Variants in PGAP4 observed in about 807,000 individuals in gnomAD.
PGAP4 encodes the protein GPI-N-acetylgalactosamine transferase PGAP4.
A neutral mutation model predicts 28.2 loss-of-function variants in PGAP4; 12 were observed. The ratio of observed to expected loss-of-function variants is 0.42; its 90% CI spans 0.27 to 0.69. PGAP4 has a LOEUF of 0.69. Among genes scored for constraint, PGAP4 ranks in the 30% least tolerant of loss-of-function variants. The pLI, the probability that PGAP4 is intolerant of heterozygous loss-of-function variation, is 0.22. For synonymous variants in PGAP4, 205 were observed against 211.8 expected (o/e 0.97, Z 0.28); for missense variants, 425 against 513.5 (o/e 0.83, Z 1.67).
chr9:101,488,128 A>T (rs78580180), upstream of PGAP4, among the ~76,000 whole-genome samples: 1,084 of 152,290 alleles, frequency 7.1e-3, 18 homozygotes, highest in African/African-American at 0.025. Flanking sequence ...CCCATTCATC[A>T]TCTACTCTTT....
At chr9:101,495,688 G>A (rs1438487929) in intron 2 of PGAP4, among the ~76,000 whole-genome samples, 2 of 150,162 alleles carry the variant, frequency 1.3e-5, no homozygotes, top group Non-Finnish European at 3.0e-5. Flanking sequence ...GAGTTTTAAA[G>A]GGGTTAAAAG....
At position 101,474,986 on chromosome 9, in the gene PGAP4, G is replaced by GCTTTTTTTTTTTTTTT. The variant is rs148013361; in HGVS notation, c.*894_*895insAAAAAAAAAAAAAAAG. On this transcript the variant is annotated 3_prime_UTR_variant, in exon 2 of 2. Transcript: ENST00000374848. ...GTCAGGTCTTCTGACTTCAGTCCAT[G>GCTTTTTTTTTTTTTTT]ATTTTTTTTTTTTTTTTTCTATAAC... 6.4e-5 allele frequency: 9 copies of GCTTTTTTTTTTTTTTT among 141,536 alleles called. 1 individual carries two copies. Among genetic ancestry groups the GCTTTTTTTTTTTTTTT allele is most frequent in the Non-Finnish European group, 1.1e-4 (7 of 65,852 alleles). 8.8% of individuals were successfully genotyped at this position (141,536 alleles called of 1,614,324 possible).
At chr9:101,520,245 G>A (rs371362127) in intron 2 of PGAP4, among the ~76,000 whole-genome samples, 36 of 152,250 alleles carry the variant, frequency 2.4e-4, no homozygotes, top group African/African-American at 7.9e-4. Flanking sequence ...CTAATTCTGT[G>A]AAGAATGATG....
At chr9:101,524,564 G>C (rs1433401869) in intron 2 of PGAP4, among the ~76,000 whole-genome samples, 3 of 152,154 alleles carry the variant, frequency 2.0e-5, no homozygotes, top group Non-Finnish European at 2.9e-5. Flanking sequence ...TTTAGCCCCT[G>C]CTCCTCTGTC....
chr9:101,508,829 G>A (rs944555269), intron 2 of PGAP4, among the ~76,000 whole-genome samples: 1 of 152,106 alleles, frequency 6.6e-6, no homozygotes, highest in East Asian at 1.9e-4. Flanking sequence ...CCTATCTGAG[G>A]GTGAGGAAAG....
At chr9:101,477,281 T>G in intron 1 of PGAP4, 112 bp from the exon 2 acceptor site, 1 of 715,070 alleles carries the variant, frequency 1.4e-6, no homozygotes, top group Non-Finnish European at 2.0e-6. Context: ...AAACCAGAAA[T>G]TATAATAGGA....
At chr9:101,524,627 C>G (rs1448601689) in intron 2 of PGAP4, among the ~76,000 whole-genome samples, 1 of 152,222 alleles carries the variant, frequency 6.6e-6, no homozygotes, top group African/African-American at 2.4e-5. Flanking sequence ...TGCTGGGGGA[C>G]CCCGTGAGCT....
At chr9:101,520,830 T>C (rs946993570) in intron 2 of PGAP4, among the ~76,000 whole-genome samples, 6 of 152,226 alleles carry the variant, frequency 3.9e-5, no homozygotes, top group Non-Finnish European at 8.8e-5. Flanking sequence ...CTTTTCCCCA[T>C]TCAGTATTAT....
chr9:101,524,618 G>A (rs1827018053), intron 2 of PGAP4, among the ~76,000 whole-genome samples: 1 of 152,216 alleles, frequency 6.6e-6, no homozygotes, highest in South Asian at 2.1e-4. Context: ...GGAATGGGCT[G>A]CTGGGGGACC....
chr9:101,498,216 C>T (rs1451572276), intron 2 of PGAP4, among the ~76,000 whole-genome samples: 1 of 151,790 alleles, frequency 6.6e-6, no homozygotes, highest in African/African-American at 2.4e-5. Flanking sequence ...AAAACCTCTC[C>T]CAACTTGCTT....
chr9:101,493,630 A>G (rs945607192), intron 2 of PGAP4, among the ~76,000 whole-genome samples: 5 of 152,206 alleles, frequency 3.3e-5, no homozygotes, highest in Admixed American at 6.5e-5. Context: ...TTAAGGGGAC[A>G]TAAGTTTCAT....
intron 1 of PGAP4, among the ~76,000 whole-genome samples, chr9:101,477,921 G>A (rs188321525): frequency 5.6e-4 from 65 of 116,196 alleles, no homozygotes; most frequent in African/African-American, 1.6e-3. Flanking sequence ...ATGAGGGAGC[G>A]GGGGGGGAAA....
At chr9:101,480,849 C>G (rs1053035522) in intron 1 of PGAP4, 6 of 152,148 alleles carry the variant, frequency 3.9e-5, no homozygotes, top group Non-Finnish European at 8.8e-5. Context: ...CCAATGGCAC[C>G]TATAATTTAT....
intron 2 of PGAP4, among the ~76,000 whole-genome samples, chr9:101,511,343 G>C (rs899531879): frequency 1.1e-4 from 17 of 152,238 alleles, no homozygotes; most frequent in African/African-American, 4.1e-4. Flanking sequence ...TTTATAGCAG[G>C]GGTCTCCAAA....
At chr9:101,508,126 G>GTTTTTTTTTTTTTTTTTTTTTTTT in intron 2 of PGAP4, among the ~76,000 whole-genome samples, 1 of 127,742 alleles carries the variant, frequency 7.8e-6, no homozygotes, top group Non-Finnish European at 1.6e-5. Flanking sequence ...CTTTTTGAGT[G>GTTTTTTTTTTTTTTTTTTTTTTTT]TTTTTTTTTT....
rs1200595688 is a variant in PGAP4 at position 101,474,321 on chromosome 9, A to T, written c.*1560T>A. The T allele has an allele frequency of 6.6e-6, 1 of 152,266 alleles. No homozygotes were observed. Among genetic ancestry groups the T allele is most frequent in the Non-Finnish European group, 1.5e-5 (1 of 68,066 alleles). 9.4% of individuals were successfully genotyped at this position (152,266 alleles called of 1,614,324 possible). On this transcript the variant is annotated 3_prime_UTR_variant, in exon 2 of 2. Coordinates refer to ENST00000374848, the MANE Select transcript of PGAP4 (RefSeq NM_032342.3). ...TGGAAGCTCACTATGGGAATTTAAA[A>T]GCAAACTGTGGCATCGAAACAAACT...
At chr9:101,512,389 G>A (rs1236396582) in intron 2 of PGAP4, among the ~76,000 whole-genome samples, 3 of 152,078 alleles carry the variant, frequency 2.0e-5, no homozygotes, top group Non-Finnish European at 2.9e-5. Context: ...AAAGTGACCT[G>A]AAGTAACCTG....
intron 2 of PGAP4, chr9:101,501,963 G>T (rs1826806184): frequency 3.4e-6 from 1 of 295,498 alleles, no homozygotes; most frequent in Admixed American, 4.0e-5. Flanking sequence ...GTATCTGCTG[G>T]ATAATAACTT....
rs1826267877 is a variant in PGAP4, at chr9:101,475,391, G to T, written c.*490C>A. ...TTACATCAGGTCAAGGAAACAAATGGAATCTATCCACATGGTCCTGCCTCG... is the reference window on the plus strand; with the variant it reads ...TTACATCAGGTCAAGGAAACAAATGTAATCTATCCACATGGTCCTGCCTCG... On this transcript the variant is annotated 3_prime_UTR_variant, in exon 2 of 2. Transcript: ENST00000374848. 1 of 162,840 alleles carries T rather than the reference G, an allele frequency of 6.1e-6. No homozygotes were observed. Among genetic ancestry groups the T allele is most frequent in the South Asian group, 1.6e-4 (1 of 6,370 alleles). The allele number at this position is 162,840 out of a possible 1,614,324, so 10.1% of individuals were successfully genotyped here.
Sources: gnomAD v4.1 joint callset for allele counts (sites outside exome capture counted in the v4.1 genomes callset) on GRCh38, gnomAD v4.1.1 for gene constraint, MANE v1.5 for transcripts, NCBI Gene and HGNC (gene_info 2026-07-23, HGNC 2026-07-21) for gene names.